Variants in RSRC1 observed in about 807,000 individuals in gnomAD.
RSRC1 encodes arginine and serine rich coiled-coil 1, also known as serine/Arginine-related protein 53.
Under a neutral mutation model 49.1 loss-of-function variants are expected in RSRC1, and 39 were observed. The observed-to-expected ratio is 0.79, with a 90% CI of 0.61 to 1.04. RSRC1 has a LOEUF of 1.04. RSRC1 is among the 50% of genes least tolerant of loss of function. The pLI is 0.00. For synonymous variants in RSRC1, 143 were observed against 130.8 expected (o/e 1.09, Z -0.63); for missense variants, 388 against 402.4 (o/e 0.96, Z 0.31).
At chr3:158,502,135 T>C (rs138136257) in intron 7 of RSRC1, among the ~76,000 whole-genome samples, 3 of 152,192 alleles carry the variant, frequency 2.0e-5, no homozygotes, top group African/African-American at 7.2e-5. Flanking sequence ...TTAGTTTTGC[T>C]AGATACAAAA....
At chr3:158,385,993 G>A (rs888085304) in intron 6 of RSRC1, among the ~76,000 whole-genome samples, 1 of 152,060 alleles carries the variant, frequency 6.6e-6, no homozygotes, top group African/African-American at 2.4e-5. Context: ...CTTGCTGCAA[G>A]CCAAACTACT....
chr3:158,516,778 G>T (rs1358709681), intron 7 of RSRC1, among the ~76,000 whole-genome samples: 2 of 152,340 alleles, frequency 1.3e-5, no homozygotes, highest in Non-Finnish European at 2.9e-5. Flanking sequence ...TCCGAGCCAG[G>T]TGCGGGATAT....
chr3:158,444,323 GAAC>G (rs1736562415), intron 6 of RSRC1, among the ~76,000 whole-genome samples: 1 of 152,030 alleles, frequency 6.6e-6, no homozygotes, highest in Admixed American at 6.6e-5. Flanking sequence ...TAGACCAATG[GAAC>G]AGAACAGAAC....
chr3:158,180,415 T>G (rs1559931819), intron 3 of RSRC1, among the ~76,000 whole-genome samples: 16 of 74,968 alleles, frequency 2.1e-4, no homozygotes, highest in African/African-American at 7.7e-4. Context: ...TTTTTTTTTT[T>G]TGCCGTGTGT....
At chr3:158,184,428 G>A (rs191370406) in intron 3 of RSRC1, among the ~76,000 whole-genome samples, 10 of 152,186 alleles carry the variant, frequency 6.6e-5, no homozygotes, top group African/African-American at 2.4e-4. Flanking sequence ...ATAATACAGG[G>A]TGTACCTGAG....
intron 5 of RSRC1, among the ~76,000 whole-genome samples, chr3:158,310,010 A>C (rs1248746916): frequency 6.6e-6 from 1 of 151,740 alleles, no homozygotes; most frequent in Non-Finnish European, 1.5e-5. Flanking sequence ...GATTTAAAAA[A>C]CTTAGCATGT....
At chr3:158,203,043 GT>G (rs1442783211) in intron 3 of RSRC1, 28 bp from the exon 4 acceptor site, 1 of 1,558,990 alleles carries the variant, frequency 6.4e-7, no homozygotes, top group South Asian at 1.1e-5. Context: ...TATACACTAA[GT>G]TTATTTAACA....
intron 1 of RSRC1, 158 bp downstream of exon 1, chr3:158,110,381 G>T (rs2108142967): frequency 6.6e-6 from 1 of 152,618 alleles, no homozygotes; most frequent in Admixed American, 6.5e-5. Context: ...GTCACCGTGC[G>T]CATGCGTCCC....
chr3:158,156,911 C>G (rs1717910975), intron 3 of RSRC1, among the ~76,000 whole-genome samples: 1 of 152,130 alleles, frequency 6.6e-6, no homozygotes. Context: ...AACACAGAGA[C>G]ACTAAGTGAG....
chr3:158,518,132 A>ATATATG (rs1560073730), intron 7 of RSRC1, among the ~76,000 whole-genome samples: 4 of 81,924 alleles, frequency 4.9e-5, no homozygotes, highest in African/African-American at 2.6e-4. Context: ...GTGTGTATAT[A>ATATATG]TATATATATA....
intron 4 of RSRC1, among the ~76,000 whole-genome samples, chr3:158,257,487 A>G (rs1013286633): frequency 2.0e-5 from 3 of 152,074 alleles, no homozygotes; most frequent in Non-Finnish European, 4.4e-5. Flanking sequence ...TTATTAGCAT[A>G]GAATATCTTT....
intron 3 of RSRC1, among the ~76,000 whole-genome samples, chr3:158,129,050 C>G (rs1715817401): frequency 6.6e-6 from 1 of 152,104 alleles, no homozygotes; most frequent in Admixed American, 6.5e-5. Flanking sequence ...TGTGAAGTTA[C>G]TATCTTTCCT....
chr3:158,545,131 T>C lies in RSRC1; in HGVS notation c.*856T>C, dbSNP rs1713259720. ...CTAAACATGCCAGAGATAGGACTTT[T>C]AGGCCTTGCTTTACAAAACTGGTTT... On this transcript the variant is annotated 3_prime_UTR_variant, in exon 10 of 10. Transcript: ENST00000611884. 1 of 151,930 alleles carries C rather than the reference T, an allele frequency of 6.6e-6. No homozygotes were observed. The highest frequency in any genetic ancestry group is 2.1e-4 in the South Asian group (1 of 4,808). 9.4% of individuals were successfully genotyped at this position (151,930 alleles called of 1,614,324 possible).
chr3:158,279,630 T>G (rs571257734), intron 4 of RSRC1, among the ~76,000 whole-genome samples: 2 of 152,324 alleles, frequency 1.3e-5, no homozygotes, highest in Non-Finnish European at 2.9e-5. Context: ...ATTTTTTATT[T>G]TATGCAAGCA....
At chr3:158,321,209 C>A (rs746790661) in intron 5 of RSRC1, among the ~76,000 whole-genome samples, 6 of 151,598 alleles carry the variant, frequency 4.0e-5, no homozygotes, top group Non-Finnish European at 8.8e-5. Flanking sequence ...GTTTAGGTAA[C>A]CTCTTATTTC....
intron 5 of RSRC1, among the ~76,000 whole-genome samples, chr3:158,328,792 A>C (rs978450074): frequency 1.3e-5 from 2 of 152,088 alleles, no homozygotes; most frequent in Non-Finnish European, 2.9e-5. Flanking sequence ...CTGCCTTGCT[A>C]GGGTGGGAAA....
chr3:158,427,914 C>T (rs376016665), intron 6 of RSRC1, among the ~76,000 whole-genome samples: 1 of 151,652 alleles, frequency 6.6e-6, no homozygotes, highest in South Asian at 2.1e-4. Context: ...TATCTTCATG[C>T]ATACTTTTTT....
intron 4 of RSRC1, among the ~76,000 whole-genome samples, chr3:158,247,016 A>G (rs754273524): frequency 2.6e-5 from 4 of 151,580 alleles, no homozygotes; most frequent in African/African-American, 9.7e-5. Flanking sequence ...AGGTACCCCA[A>G]TCATTCATAG....
At chr3:158,354,639 G>A (rs561057096) in intron 5 of RSRC1, among the ~76,000 whole-genome samples, 10 of 152,152 alleles carry the variant, frequency 6.6e-5, no homozygotes, top group Admixed American at 2.0e-4. Flanking sequence ...ATGTTGGATA[G>A]TAAGCAAAAC....
Sources: allele counts gnomAD v4.1 joint callset (sites outside exome capture counted in the v4.1 genomes callset), GRCh38; gene constraint gnomAD v4.1.1; transcripts MANE v1.5; gene names NCBI Gene and HGNC (gene_info 2026-07-23, HGNC 2026-07-21).